The following FZD6 variants were observed in gnomAD, a reference collection of about 807,000 sequenced individuals.
FZD6 encodes frizzled class receptor 6, also known as frizzled-6.
Under a neutral mutation model 61.4 loss-of-function variants are expected in FZD6, and 49 were observed. That is an observed-to-expected ratio of 0.80 (90% confidence interval 0.63 to 1.01). The LOEUF is 1.01. Ranked by LOEUF, FZD6 falls within the 50% of genes least tolerant of loss-of-function variation. The pLI is 0.00. For missense variants in FZD6, 724 were observed against 848.2 expected (o/e 0.85, Z 1.82); for synonymous variants, 265 against 292.2 (o/e 0.91, Z 0.95).
intron 4 of FZD6, 129 bp downstream of exon 4, chr8:103,325,627 T>TA: frequency 1.3e-6 from 1 of 765,640 alleles, no homozygotes; most frequent in Non-Finnish European, 2.3e-6. Context: ...GGTAAGGATT[T>TA]CCTATACATC....
chr8:103,324,019 T>C (rs548226760), intron 3 of FZD6, among the ~76,000 whole-genome samples: 1 of 152,282 alleles, frequency 6.6e-6, no homozygotes, highest in South Asian at 2.1e-4. Context: ...ACTTTAGTTA[T>C]ATGGTTGCTT....
intron 2 of FZD6, among the ~76,000 whole-genome samples, chr8:103,301,202 TTGTCTGACTGCCTCATTG>T (rs1814161061): frequency 6.6e-6 from 1 of 152,222 alleles, no homozygotes; most frequent in African/African-American, 2.4e-5. Flanking sequence ...AGTTGAATAG[TTGTCTGACTGCCTCATTG>T]TGGACTCATG....
At chr8:103,303,283 C>G (rs61066888) in intron 2 of FZD6, among the ~76,000 whole-genome samples, 9,892 of 152,288 alleles carry the variant, frequency 0.065, 426 homozygotes, top group African/African-American at 0.11. Flanking sequence ...TACACACACT[C>G]TATCCTCTGG....
intron 3 of FZD6, among the ~76,000 whole-genome samples, chr8:103,320,320 G>A (rs1586519078): frequency 1.3e-5 from 2 of 152,238 alleles, no homozygotes; most frequent in East Asian, 1.9e-4. Context: ...TCCTGAATGT[G>A]TGGATCTCAT....
rs1815181300 is a variant in FZD6 at position 103,332,837 on chromosome 8, T to G, written c.*1328T>G. On this transcript the variant is annotated 3_prime_UTR_variant, in exon 7 of 7. Transcript: ENST00000358755. ...CAAAAACTTTGTTTTGTGTGATCTT[T>G]TCATTAATAAAATTATCTTTGTATA... is the stretch of plus-strand genomic sequence containing the variant. The G allele has an allele frequency of 6.6e-6, 1 of 152,636 alleles. No homozygotes were observed. Among genetic ancestry groups the G allele is most frequent in the Non-Finnish European group, 1.5e-5 (1 of 68,032 alleles). The allele number at this position is 152,636 out of a possible 1,614,324, so 9.5% of individuals were successfully genotyped here. A position where few individuals can be genotyped will look rare whatever the true frequency, so the allele number is the denominator to read the frequency against.
At chr8:103,308,713 C>G (rs1450192800) in intron 2 of FZD6, among the ~76,000 whole-genome samples, 1 of 152,186 alleles carries the variant, frequency 6.6e-6, no homozygotes, top group East Asian at 1.9e-4. Flanking sequence ...TCTTTGAGAT[C>G]TATCCAGCCA....
At chr8:103,301,103 G>C (rs1250640581) in intron 2 of FZD6, among the ~76,000 whole-genome samples, 1 of 152,150 alleles carries the variant, frequency 6.6e-6, no homozygotes, top group Non-Finnish European at 1.5e-5. Context: ...GTTGCTAAGA[G>C]AGGAAATCCC....
At chr8:103,298,591 A>G (rs892303561), upstream of FZD6, 1 of 152,198 alleles carries the variant, frequency 6.6e-6, no homozygotes, top group Admixed American at 6.5e-5. Flanking sequence ...CCGGACCCGG[A>G]TAGCGAGATG....
intron 2 of FZD6, among the ~76,000 whole-genome samples, chr8:103,312,701 G>C (rs890338163): frequency 1.3e-5 from 2 of 152,122 alleles, no homozygotes; most frequent in Non-Finnish European, 2.9e-5. Context: ...TCCCAGTTAT[G>C]TTTCAACTGA....
At chr8:103,317,148 GACTC>G (rs1249964317) in intron 2 of FZD6, among the ~76,000 whole-genome samples, 2 of 152,220 alleles carry the variant, frequency 1.3e-5, no homozygotes, top group Non-Finnish European at 2.9e-5. Context: ...GAGGGCACAA[GACTC>G]ACTATCTGGG....
intron 2 of FZD6, 91 bp downstream of exon 2, chr8:103,300,375 G>A: frequency 2.1e-6 from 2 of 954,128 alleles, no homozygotes; most frequent in Non-Finnish European, 3.4e-6. Flanking sequence ...AAACAGAGCC[G>A]ATTTCTTCAA....
intron 2 of FZD6, among the ~76,000 whole-genome samples, chr8:103,315,105 T>G (rs1470591797): frequency 6.6e-6 from 1 of 152,204 alleles, no homozygotes; most frequent in Non-Finnish European, 1.5e-5. Flanking sequence ...CTTTAAACCT[T>G]TTCTTTCATT....
chr8:103,311,535 C>T (rs1345285308), intron 2 of FZD6, among the ~76,000 whole-genome samples: 1 of 152,016 alleles, frequency 6.6e-6, no homozygotes, highest in African/African-American at 2.4e-5. Context: ...CTCAGGAGTT[C>T]AAGATCCGTC....
chr8:103,300,033 T>G lies in FZD6; in HGVS notation c.-75T>G. Reference sequence around the variant, plus strand: ...AAATGAGGAATTTGAACATTTTATCTTTGGATGGGGATCTTCTGAGGATGC... The same window carrying G: ...AAATGAGGAATTTGAACATTTTATCGTTGGATGGGGATCTTCTGAGGATGC... On this transcript the variant is annotated 5_prime_UTR_variant, in exon 2 of 7. Transcript: ENST00000358755. 1.1e-6 allele frequency: 1 copy of G among 907,218 alleles called. No individual in the cohort carries two copies. The highest frequency in any genetic ancestry group is 1.3e-5 in the South Asian group (1 of 74,718). The allele number at this position is 907,218 out of a possible 1,614,324, so 56.2% of individuals were successfully genotyped here. A position where few individuals can be genotyped will look rare whatever the true frequency, so the allele number is the denominator to read the frequency against.
intron 2 of FZD6, among the ~76,000 whole-genome samples, chr8:103,310,163 A>G (rs771144728): frequency 4.1e-4 from 63 of 152,218 alleles, no homozygotes; most frequent in Non-Finnish European, 7.8e-4. Context: ...CAGGTCTCTT[A>G]TGTGAATGGG....
intron 3 of FZD6, among the ~76,000 whole-genome samples, chr8:103,323,290 A>G (rs948557912): frequency 2.0e-5 from 3 of 152,070 alleles, no homozygotes; most frequent in African/African-American, 4.8e-5. Context: ...GCTTTATTTT[A>G]AAAGATATAA....
At chr8:103,314,878 G>A (rs1051546813) in intron 2 of FZD6, among the ~76,000 whole-genome samples, 5 of 152,100 alleles carry the variant, frequency 3.3e-5, no homozygotes, top group Admixed American at 6.6e-5. Flanking sequence ...TATGTTTTAA[G>A]GCTATTTTTA....
At chr8:103,311,851 C>T (rs1025710596) in intron 2 of FZD6, among the ~76,000 whole-genome samples, 1 of 152,086 alleles carries the variant, frequency 6.6e-6, no homozygotes, top group African/African-American at 2.4e-5. Context: ...TAGTGATCAT[C>T]GAGTTCATCA....
intron 3 of FZD6, 37 bp downstream of exon 3, chr8:103,318,823 T>C: frequency 8.9e-7 from 1 of 1,129,474 alleles, no homozygotes; most frequent in Non-Finnish European, 1.4e-6. Context: ...ACTAATGGTA[T>C]TTTACTACTG....
Sources: gnomAD v4.1 joint callset for allele counts (sites outside exome capture counted in the v4.1 genomes callset) on GRCh38, gnomAD v4.1.1 for gene constraint, MANE v1.5 for transcripts, NCBI Gene and HGNC (gene_info 2026-07-23, HGNC 2026-07-21) for gene names.